The following RBBP6 variants were observed in gnomAD, a reference collection of about 807,000 sequenced individuals.
RBBP6 encodes the protein RB binding protein 6, ubiquitin ligase.
A neutral mutation model predicts 167.7 loss-of-function variants in RBBP6; 25 were observed. That is an observed-to-expected ratio of 0.15 (90% CI 0.11 to 0.21). RBBP6 has a LOEUF of 0.21. Among genes scored for constraint, RBBP6 ranks in the 10% least tolerant of loss-of-function variants. RBBP6 has a pLI of 1.00. For synonymous variants in RBBP6, 789 were observed against 735.8 expected (o/e 1.07, Z -1.17); for missense variants, 1,868 against 2,134.2 (o/e 0.88, Z 2.46).
chr16:24,541,747 T>C (rs1012325209), intron 1 of RBBP6, among the ~76,000 whole-genome samples: 2 of 152,236 alleles, frequency 1.3e-5, no homozygotes, highest in Non-Finnish European at 2.9e-5. Flanking sequence ...TCAGTAATGC[T>C]GATGTGTATT....
rs376567972 is a variant in RBBP6, at chr16:24,567,335, C to G, written c.1782C>G (p.Pro594=). The part of the protein sequence containing the change: ...SPQFPPGQPP[P]AGYSVPPPGF... ...AGTTTCCTCCTGGCCAGCCACCACCCGCTGGGTATAGTGTCCCTCCTCCAG... is the reference window on the plus strand; with the variant it reads ...AGTTTCCTCCTGGCCAGCCACCACCGGCTGGGTATAGTGTCCCTCCTCCAG... Residue 594 remains proline, a synonymous_variant, in exon 15 of 18, where the codon CCC becomes CCG. Transcript: ENST00000319715. 6.2e-7 allele frequency: 1 copy of G among 1,614,064 alleles called. No individual in the cohort carries two copies. The highest frequency in any genetic ancestry group is 1.7e-5 in the Admixed American group (1 of 60,024).
chr16:24,562,658 A>G (rs1317327249), intron 10 of RBBP6, among the ~76,000 whole-genome samples: 1 of 151,374 alleles, frequency 6.6e-6, no homozygotes, highest in African/African-American at 2.4e-5. Context: ...ACTTTTGTCC[A>G]TGTAGTTTAA....
At chr16:24,544,950 A>G (rs1309088252) in intron 1 of RBBP6, among the ~76,000 whole-genome samples, 3 of 152,018 alleles carry the variant, frequency 2.0e-5, no homozygotes, top group Non-Finnish European at 4.4e-5. Flanking sequence ...CTACCTGCAA[A>G]CATTCTGTCT....
chr16:24,563,747 G>A (rs1899127841), intron 13 of RBBP6, 83 bp downstream of exon 13: 7 of 1,367,340 alleles, frequency 5.1e-6, no homozygotes, highest in Middle Eastern at 1.9e-4. Context: ...ACTAGATAAT[G>A]GAAGGTCCAA....
intron 2 of RBBP6, among the ~76,000 whole-genome samples, chr16:24,547,845 A>C (rs1056576450): frequency 1.3e-5 from 2 of 152,238 alleles, no homozygotes; most frequent in Non-Finnish European, 2.9e-5. Flanking sequence ...AAAAAATGGC[A>C]AATGTATTTT....
intron 7 of RBBP6, among the ~76,000 whole-genome samples, chr16:24,559,176 T>C (rs1374364037): frequency 1.3e-5 from 2 of 152,206 alleles, no homozygotes; most frequent in East Asian, 3.8e-4. Flanking sequence ...AATTCAAGTC[T>C]TGTCTTTGTC....
rs1169460638 is a variant in RBBP6 at position 24,564,755 on chromosome 16, C to G, written c.1521-42C>G. The G allele has an allele frequency of 5.6e-6, 9 of 1,602,780 alleles. No individual in the cohort carries two copies. The Admixed American group carries it at 1.5e-4, about 27-fold the overall frequency. On this transcript the variant is annotated intron_variant, in intron 13 of 17. Transcript: ENST00000319715. Reference sequence around the variant, plus strand: ...GCATGGAAAGGTCATGTATTATACCCATGGAGAAATACTTGAGCCTATTTT... The same window carrying G: ...GCATGGAAAGGTCATGTATTATACCGATGGAGAAATACTTGAGCCTATTTT...
chr16:24,541,205 C>CA (rs933107246), intron 1 of RBBP6, among the ~76,000 whole-genome samples: 4 of 79,268 alleles, frequency 5.0e-5, no homozygotes, highest in Non-Finnish European at 7.4e-5. Context: ...AAAAAAAAAC[C>CA]AAAAAAACAA....
chr16:24,547,993 TCA>T (rs978096479), intron 2 of RBBP6, among the ~76,000 whole-genome samples: 4 of 151,056 alleles, frequency 2.6e-5, no homozygotes, highest in South Asian at 2.1e-4. Context: ...AAAATGCATC[TCA>T]GTTTTTTTTT....
intron 7 of RBBP6, 54 bp downstream of exon 7, chr16:24,556,501 T>C: frequency 1.3e-6 from 2 of 1,518,096 alleles, no homozygotes; most frequent in African/African-American, 1.4e-5. Flanking sequence ...TCCCAGGGTA[T>C]AGTGTTTTAA....
At chr16:24,557,194 G>GT (rs1322105146) in intron 7 of RBBP6, among the ~76,000 whole-genome samples, 1 of 151,870 alleles carries the variant, frequency 6.6e-6, no homozygotes, top group Non-Finnish European at 1.5e-5. Flanking sequence ...TAGAGACGGA[G>GT]TTTCACCGTG....
Position 24,569,068 on chromosome 16 carries a change from G to T in RBBP6, c.2378G>T (p.Arg793Leu), listed in dbSNP as rs371006887. The T allele has an allele frequency of 5.0e-6, 8 of 1,614,068 alleles. No individual in the cohort carries two copies. The highest frequency in any genetic ancestry group is 6.8e-6 in the Non-Finnish European group (8 of 1,179,982). The change falls in exon 17 of 18, where the codon CGT (arginine) becomes CTT (leucine). Residue 793 changes from arginine (R) to leucine (L), a missense_variant. Physicochemically the swap from Arg to Leu is moderately radical, Grantham distance 102. Transcript: ENST00000319715. ...KRNVPQGETE[R>L]EYFNRYREVP... ...AATGTACCTCAAGGGGAAACAGAAC[G>T]TGAATATTTTAATAGATACAGAGAA...
At chr16:24,555,970 G>A (rs1898903248) in intron 6 of RBBP6, 53 bp downstream of exon 6, 1 of 1,435,820 alleles carries the variant, frequency 7.0e-7, no homozygotes, top group East Asian at 2.3e-5. Context: ...CTTTGGAATT[G>A]TTCCTTAGCT....
At chr16:24,546,115 G>A (rs761544865) in intron 1 of RBBP6, 48 bp from the exon 2 acceptor site, 4 of 1,520,924 alleles carry the variant, frequency 2.6e-6, no homozygotes, top group Non-Finnish European at 3.5e-6. Context: ...TCTTGGTTAC[G>A]CACTCAAATC....
chr16:24,562,107 T>C lies in RBBP6; in HGVS notation c.1235T>C (p.Ile412Thr), dbSNP rs753623213. The change falls in exon 10 of 18, where the codon ATA (isoleucine) becomes ACA (threonine). Residue 412 changes from isoleucine to threonine, a missense_variant. This residue lies in a region of RBBP6 where 245 missense variants were observed against 240.1 expected (regional missense o/e 1.02). Transcript: ENST00000319715. ...TCTGCTCCAGCTCCTGTACCTGATA[T>C]AACTGCAACAGTATCCATATCAGTT... The part of the protein sequence containing the change: ...PSSAPAPVPD[I>T]TATVSISVHS... 9.3e-6 allele frequency: 15 copies of C among 1,613,514 alleles called. No homozygotes were observed. Among genetic ancestry groups the C allele is most frequent in the East Asian group, 2.2e-5 (1 of 44,888 alleles).
chr16:24,571,541 A>G lies in RBBP6; in HGVS notation c.4475A>G (p.Asn1492Ser). The G allele has an allele frequency of 6.2e-7, 1 of 1,613,684 alleles. No homozygotes were observed. Among genetic ancestry groups the G allele is most frequent in the South Asian group, 1.1e-5 (1 of 90,914 alleles). The change falls in exon 18 of 18, where the codon AAT (asparagine) becomes AGT (serine). Residue 1492 changes from asparagine to serine, a missense_variant. Asn to Ser is a conservative substitution (Grantham distance 46). Coordinates refer to ENST00000319715, the MANE Select transcript of RBBP6 (RefSeq NM_006910.5). ...AGTTCCAAACGTAGAGATGAAAAGA[A>G]TGAATTAACAAGACGAAAAGACTCT... is the stretch of plus-strand genomic sequence containing the variant. ...YSSSKRRDEK[N>S]ELTRRKDSPS... is the part of the protein sequence containing the mutation.
rs760421260 is a variant in RBBP6, at chr16:24,541,201, AAACC to A, written c.166+412_166+415del. Among the ~76,000 whole-genome samples the A allele has an allele frequency of 4.9e-4, 50 of 102,132 alleles. 1 individual carries two copies. The highest frequency in any genetic ancestry group is 1.3e-3 in the African/African-American group (26 of 19,266). The allele number at this position is 102,132 out of a possible 152,430, so 67.0% of individuals were successfully genotyped here. Reference sequence around the variant, plus strand: ...ATCAGCAAAAAAAAAAACAAAAAAAAAACCAAAAAAACAATTTTCTAACCTAACA... The same window carrying A: ...ATCAGCAAAAAAAAAAACAAAAAAAAAAAAAAACAATTTTCTAACCTAACA... On this transcript the variant is annotated intron_variant, in intron 1 of 17. Transcript: ENST00000319715.
At position 24,572,429 on chromosome 16, in the gene RBBP6, A is replaced by G. The variant is rs1267165170; in HGVS notation, c.5363A>G (p.Lys1788Arg). The change falls in exon 18 of 18, where the codon AAA becomes AGA. Residue 1788 changes from lysine (K) to arginine (R), a missense_variant. Coordinates refer to ENST00000319715, the MANE Select transcript of RBBP6 (RefSeq NM_006910.5). The part of the protein sequence containing the change: ...KEKEKDDQKV[K>R]SVTV ...AAGGAGAAAGATGACCAAAAAGTGA[A>G]ATCTGTCACTGTGTAAAAAGACAGA... 1 of 1,528,578 alleles carries G rather than the reference A, an allele frequency of 6.5e-7. No individual in the cohort carries two copies. The highest frequency in any genetic ancestry group is 8.8e-7 in the Non-Finnish European group (1 of 1,141,238). The allele number at this position is 1,528,578 out of a possible 1,614,324, so 94.7% of individuals were successfully genotyped here.
rs746443561 is a variant in RBBP6, at chr16:24,546,204, G to A, written c.208G>A (p.Val70Ile). The change falls in exon 2 of 18, where the codon GTA (valine) becomes ATA (isoleucine). Residue 70 changes from valine to isoleucine, a missense_variant. Physicochemically the swap from Val to Ile is conservative, Grantham distance 29. Transcript: ENST00000319715. Reference protein sequence around the residue: ...DNALIPKNSSVIVRRIPIGGV... With the variant: ...DNALIPKNSSIIVRRIPIGGV... ...TGCTCTGATTCCTAAGAATTCTTCTGTAATTGTTAGAAGAATTCCTATTGG... is the reference window on the plus strand; with the variant it reads ...TGCTCTGATTCCTAAGAATTCTTCTATAATTGTTAGAAGAATTCCTATTGG... 1 of 1,590,130 alleles carries A rather than the reference G, an allele frequency of 6.3e-7. No individual in the cohort carries two copies. Among genetic ancestry groups the A allele is most frequent in the Non-Finnish European group, 8.5e-7 (1 of 1,172,652 alleles).
Sources: allele counts gnomAD v4.1 joint callset (sites outside exome capture counted in the v4.1 genomes callset), GRCh38; gene constraint gnomAD v4.1.1; regional missense constraint gnomAD v4.1.1; transcripts MANE v1.5; gene names NCBI Gene and HGNC (gene_info 2026-07-23, HGNC 2026-07-21).